Variants in AP5Z1 observed in about 807,000 individuals in gnomAD.
AP5Z1 encodes adaptor related protein complex 5 subunit zeta 1.
In AP5Z1, 106 loss-of-function variants were observed where a neutral mutation model predicts 83.0. The ratio of observed to expected loss-of-function variants is 1.28; its 90% confidence interval spans 1.09 to 1.50. The LOEUF is 1.50. Ranked by LOEUF, AP5Z1 falls within the 40% of genes most tolerant of loss-of-function variation. AP5Z1 has a pLI of 0.00. For synonymous variants in AP5Z1, 751 were observed against 514.1 expected (o/e 1.46, Z -6.23); for missense variants, 1,565 against 1,094.2 (o/e 1.43, Z -6.07).
intron 16 of AP5Z1, 46 bp from the exon 17 acceptor site, chr7:4,791,069 T>C (rs1283674405): frequency 2.0e-6 from 3 of 1,521,536 alleles, no homozygotes; most frequent in African/African-American, 2.7e-5. Context: ...ACCCCTGTCC[T>C]GGGAGGGGAG....
chr7:4,790,974 TG>T, intron 16 of AP5Z1, 87 bp downstream of exon 16: 1 of 1,482,316 alleles, frequency 6.7e-7, no homozygotes, highest in Non-Finnish European at 9.0e-7. Context: ...TGTTGTGAAA[TG>T]GTCGCAGCAG....
rs574312483 is a variant in AP5Z1 at position 4,786,077 on chromosome 7, G to A, written c.1133-173G>A. 5.4e-4 allele frequency among the ~76,000 whole-genome samples: 82 copies of A among 152,338 alleles called. No homozygotes were observed. In the South Asian group the frequency reaches 0.011, roughly 21 times the overall value. On this transcript the variant is annotated intron_variant, in intron 9 of 16. Coordinates refer to ENST00000649063, the MANE Select transcript of AP5Z1 (RefSeq NM_014855.3). ...AGTGTGTGTGACTCACGAGCTGTCC[G>A]TGTCCCTGGGCGAGGGAGACCAAGT...
chr7:4,785,487 G>A (rs774252429), intron 8 of AP5Z1, 35 bp downstream of exon 8: 40 of 1,612,972 alleles, frequency 2.5e-5, no homozygotes, highest in Admixed American at 2.3e-4. Flanking sequence ...GGGAGGCAGC[G>A]ACTCGGCCCA....
intron 6 of AP5Z1, 33 bp downstream of exon 6, chr7:4,784,404 G>C: frequency 6.4e-7 from 1 of 1,554,782 alleles, no homozygotes; most frequent in South Asian, 1.2e-5. Flanking sequence ...GTCAGACAGG[G>C]GTGGGAGGTG....
At chr7:4,785,722 G>C in intron 9 of AP5Z1, 38 bp downstream of exon 9, 2 of 1,412,908 alleles carry the variant, frequency 1.4e-6, no homozygotes, top group African/African-American at 1.5e-5. Context: ...TCGGGGCTCT[G>C]CTTCTGCCTT....
At position 4,792,210 on chromosome 7, in the gene AP5Z1, G is replaced by A. The variant is rs757865082; in HGVS notation, c.*825G>A. ...CCCTCCGGACTACCAAGGCACAGCT[G>A]TGTCGCACGTTCCGCCCGGTGCCTG... On this transcript the variant is annotated 3_prime_UTR_variant, in exon 17 of 17. Coordinates refer to ENST00000649063, the MANE Select transcript of AP5Z1 (RefSeq NM_014855.3). 2.0e-5 allele frequency: 3 copies of A among 152,224 alleles called. No homozygotes were observed. Among genetic ancestry groups the A allele is most frequent in the African/African-American group, 7.2e-5 (3 of 41,434 alleles). 9.4% of individuals were successfully genotyped at this position (152,224 alleles called of 1,614,324 possible).
Position 4,781,509 on chromosome 7 carries a change from G to A in AP5Z1, c.180-59G>A, listed in dbSNP as rs1049532554. On this transcript the variant is annotated intron_variant, in intron 2 of 16. Transcript: ENST00000649063. ...GCCCGGCCAGGTGCTCTGGGGCACCGGGTGCTCCTGCCACGGTCGTGACGT... is the reference window on the plus strand; with the variant it reads ...GCCCGGCCAGGTGCTCTGGGGCACCAGGTGCTCCTGCCACGGTCGTGACGT... The A allele has an allele frequency of 2.1e-4, 323 of 1,572,830 alleles. 2 individuals carry two copies. The highest frequency in any genetic ancestry group is 2.4e-4 in the Non-Finnish European group (275 of 1,152,276).
intron 7 of AP5Z1, 128 bp downstream of exon 7, chr7:4,785,176 G>C (rs1268822827): frequency 3.2e-5 from 46 of 1,430,902 alleles, no homozygotes; most frequent in Admixed American, 9.9e-5. Flanking sequence ...AGCCGGTTTG[G>C]AGCAGGGGCA....
rs1166453354 is a variant in AP5Z1 at position 4,792,817 on chromosome 7, T to G, written c.*1432T>G. ...AGGCGTGCGTGCCAGTGCGCGGGTC[T>G]CGGGATCACTTCCCAGTGCGGTGCA... On this transcript the variant is annotated 3_prime_UTR_variant, in exon 17 of 17. Transcript: ENST00000649063. 1 of 152,328 alleles carries G rather than the reference T, an allele frequency of 6.6e-6. No homozygotes were observed. The highest frequency in any genetic ancestry group is 1.5e-5 in the Non-Finnish European group (1 of 68,112). 9.4% of individuals were successfully genotyped at this position (152,328 alleles called of 1,614,324 possible).
Position 4,784,271 on chromosome 7 carries a change from C to A in AP5Z1, c.690C>A (p.His230Gln), listed in dbSNP as rs1391243368. 6.2e-7 allele frequency: 1 copy of A among 1,600,638 alleles called. No individual in the cohort carries two copies. Among genetic ancestry groups the A allele is most frequent in the African/African-American group, 1.3e-5 (1 of 74,714 alleles). ...TCTTCACGGTGCTCTCCAGCGGCCA[C>A]CGCTTCACAGACGACCAGTGGCTGA... The part of the protein sequence containing the change: ...TDFFTVLSSG[H>Q]RFTDDQWLNV... The change falls in exon 6 of 17, where the codon CAC (histidine) becomes CAA (glutamine). Residue 230 changes from histidine (H) to glutamine (Q), a missense_variant. His to Gln is a conservative substitution (Grantham distance 24, BLOSUM62 0). Coordinates refer to ENST00000649063, the MANE Select transcript of AP5Z1 (RefSeq NM_014855.3).
intron 1 of AP5Z1, among the ~76,000 whole-genome samples, chr7:4,776,413 A>G (rs560584835): frequency 2.0e-5 from 3 of 152,156 alleles, no homozygotes; most frequent in Non-Finnish European, 2.9e-5. Flanking sequence ...TTCATACTAC[A>G]TGTTTAAAAG....
Position 4,790,903 on chromosome 7 carries a change from G to T in AP5Z1, c.2153+16G>T. 6.3e-7 allele frequency: 1 copy of T among 1,582,220 alleles called. No individual in the cohort carries two copies. Among genetic ancestry groups the T allele is most frequent in the South Asian group, 1.2e-5 (1 of 86,596 alleles). Reference sequence around the variant, plus strand: ...TGATCCCCAGGTGCCTGGTCAGGGAGGGAGCGAAGCCTTCTGGCTCCTGGG... The same window carrying T: ...TGATCCCCAGGTGCCTGGTCAGGGATGGAGCGAAGCCTTCTGGCTCCTGGG... On this transcript the variant is annotated intron_variant, in intron 16 of 16. Coordinates refer to ENST00000649063, the MANE Select transcript of AP5Z1 (RefSeq NM_014855.3).
At chr7:4,785,300 C>T in intron 7 of AP5Z1, 115 bp from the exon 8 acceptor site, 1 of 1,412,740 alleles carries the variant, frequency 7.1e-7, no homozygotes, top group East Asian at 2.5e-5. Context: ...TCCTGGGGGC[C>T]TGTCCCACCC....
At chr7:4,779,415 T>C (rs1562403012) in intron 1 of AP5Z1, among the ~76,000 whole-genome samples, 1 of 146,676 alleles carries the variant, frequency 6.8e-6, no homozygotes, top group Non-Finnish European at 1.5e-5. Context: ...TATAACATGA[T>C]AACATATATA....
intron 4 of AP5Z1, 80 bp from the exon 5 acceptor site, chr7:4,783,609 G>GA (rs1781446446): frequency 1.3e-6 from 2 of 1,512,046 alleles, no homozygotes. Context: ...TGTTTTCTGA[G>GA]AAAAGTCGGC....
Position 4,791,251 on chromosome 7 carries a change from G to T in AP5Z1, c.2290G>T (p.Ala764Ser). 4 of 1,612,788 alleles carry T rather than the reference G, an allele frequency of 2.5e-6. No homozygotes were observed. The highest frequency in any genetic ancestry group is 3.4e-6 in the Non-Finnish European group (4 of 1,179,870). ...LLTLLKMPSVAQFVLTPSTEV... is the reference protein window; with the variant it reads ...LLTLLKMPSVSQFVLTPSTEV... ...GACCCTGCTGAAGATGCCTAGCGTGGCCCAGTTTGTGCTCACACCCAGCAC... is the reference window on the plus strand; with the variant it reads ...GACCCTGCTGAAGATGCCTAGCGTGTCCCAGTTTGTGCTCACACCCAGCAC... Residue 764 changes from alanine to serine, a missense_variant, in exon 17 of 17, where the codon GCC becomes TCC. Transcript: ENST00000649063.
At position 4,784,288 on chromosome 7, in the gene AP5Z1, A is replaced by T; in HGVS notation, c.707A>T (p.Gln236Leu). The T allele has an allele frequency of 6.3e-7, 1 of 1,592,184 alleles. No individual in the cohort carries two copies. The highest frequency in any genetic ancestry group is 8.6e-7 in the Non-Finnish European group (1 of 1,169,572). Residue 236 changes from glutamine to leucine, a missense_variant, in exon 6 of 17, where the codon CAG (glutamine) becomes CTG (leucine). Physicochemically the swap from Gln to Leu is moderately radical, Grantham distance 113 (BLOSUM62 -2). Transcript: ENST00000649063. ...LSSGHRFTDDQWLNVQAFSML... is the reference protein window; with the variant it reads ...LSSGHRFTDDLWLNVQAFSML... ...AGCGGCCACCGCTTCACAGACGACCAGTGGCTGAACGTGCAGGCCTTCTCT... is the reference window on the plus strand; with the variant it reads ...AGCGGCCACCGCTTCACAGACGACCTGTGGCTGAACGTGCAGGCCTTCTCT...
intron 3 of AP5Z1, among the ~76,000 whole-genome samples, chr7:4,782,515 A>ATGAGTT (rs1427573307): frequency 6.6e-6 from 1 of 152,126 alleles, no homozygotes; most frequent in Non-Finnish European, 1.5e-5. Context: ...CTGCAGCGTC[A>ATGAGTT]TGAGTTGCCT....
rs1241356968 is a variant in AP5Z1 at position 4,781,774 on chromosome 7, C to T, written c.366+20C>T. The T allele has an allele frequency of 2.0e-6, 3 of 1,524,398 alleles. No individual in the cohort carries two copies. The highest frequency in any genetic ancestry group is 4.6e-5 in the East Asian group (2 of 43,432). 94.4% of individuals were successfully genotyped at this position (1,524,398 alleles called of 1,614,324 possible). Reference sequence around the variant, plus strand: ...GCCCAGGTAGCGCAGCAGTCACCACCCCAGTTGGCACCGGATGGCTGCTTC... The same window carrying T: ...GCCCAGGTAGCGCAGCAGTCACCACTCCAGTTGGCACCGGATGGCTGCTTC... On this transcript the variant is annotated intron_variant, in intron 3 of 16. Coordinates refer to ENST00000649063, the MANE Select transcript of AP5Z1 (RefSeq NM_014855.3).
Sources: gnomAD v4.1 joint callset for allele counts (sites outside exome capture counted in the v4.1 genomes callset) on GRCh38, gnomAD v4.1.1 for gene constraint, MANE v1.5 for transcripts, NCBI Gene and HGNC (gene_info 2026-07-23, HGNC 2026-07-21) for gene names.